The following TBCA variants were observed in gnomAD, a reference collection of about 807,000 sequenced individuals.
The protein encoded by TBCA is tubulin folding cofactor A, also known as tubulin-specific chaperone A.
Under a neutral mutation model 15.8 loss-of-function variants are expected in TBCA, and 6 were observed. That is an observed-to-expected ratio of 0.38 (90% CI 0.21 to 0.75). The LOEUF is 0.75. TBCA is among the 30% of genes least tolerant of loss of function. TBCA has a pLI of 0.46. For synonymous variants in TBCA, 32 were observed against 42.3 expected (o/e 0.76, Z 0.94); for missense variants, 90 against 131.2 (o/e 0.69, Z 1.53).
intron 1 of TBCA, among the ~76,000 whole-genome samples, chr5:77,770,682 G>A (rs1383617283): frequency 2.7e-5 from 4 of 149,060 alleles, no homozygotes; most frequent in African/African-American, 9.9e-5. Context: ...CCCTGTCACA[G>A]ATATCAATAG....
chr5:77,703,960 G>T (rs77451046), intron 2 of TBCA, among the ~76,000 whole-genome samples: 4 of 152,006 alleles, frequency 2.6e-5, no homozygotes, highest in Admixed American at 6.6e-5. Flanking sequence ...TTCAAAGTGC[G>T]GCACTTCCCA....
intron 1 of TBCA, among the ~76,000 whole-genome samples, chr5:77,713,361 T>C (rs976477110): frequency 6.6e-5 from 10 of 152,150 alleles, no homozygotes. Context: ...TGTCATTAAA[T>C]GTTCTTTGAA....
chr5:77,744,091 T>C (rs1049092054), intron 1 of TBCA, among the ~76,000 whole-genome samples: 4 of 152,146 alleles, frequency 2.6e-5, no homozygotes, highest in Non-Finnish European at 5.9e-5. Flanking sequence ...CACATACATT[T>C]TATTGCCTCC....
At chr5:77,769,632 G>A (rs542048842) in intron 1 of TBCA, among the ~76,000 whole-genome samples, 7 of 151,408 alleles carry the variant, frequency 4.6e-5, no homozygotes, top group African/African-American at 1.2e-4. Flanking sequence ...AACAAACTTC[G>A]GAAGATGCCA....
chr5:77,770,101 G>C (rs1394480112), intron 1 of TBCA, among the ~76,000 whole-genome samples: 1 of 152,118 alleles, frequency 6.6e-6, no homozygotes, highest in Admixed American at 6.5e-5. Flanking sequence ...TTTTTTACTT[G>C]CAGAAGAATT....
chr5:77,770,466 A>C (rs2112519724), intron 1 of TBCA, among the ~76,000 whole-genome samples: 1 of 152,314 alleles, frequency 6.6e-6, no homozygotes, highest in Non-Finnish European at 1.5e-5. Context: ...CAATCATTCC[A>C]GTTTGCCTGG....
rs923256299 is a variant in TBCA, at chr5:77,728,418, T to C, written c.54-20071A>G. Among the ~76,000 whole-genome samples the C allele has an allele frequency of 3.3e-5, 5 of 152,094 alleles. No individual in the cohort carries two copies. In the East Asian group the frequency reaches 9.6e-4, roughly 29 times the overall value. On this transcript the variant is annotated intron_variant, in intron 1 of 3. Coordinates refer to ENST00000380377, the MANE Select transcript of TBCA (RefSeq NM_004607.3). ...GTTTCTTGTATTTTAAGCCAGTAGCTGAGGAAAGGAGAAACCAGTATTATA... is the reference window on the plus strand; with the variant it reads ...GTTTCTTGTATTTTAAGCCAGTAGCCGAGGAAAGGAGAAACCAGTATTATA...
intron 1 of TBCA, among the ~76,000 whole-genome samples, chr5:77,744,297 G>A (rs2112483501): frequency 6.6e-6 from 1 of 152,210 alleles, no homozygotes; most frequent in East Asian, 1.9e-4. Context: ...ACTGTGTGTA[G>A]TGAGGGTTCT....
At chr5:77,705,976 C>T (rs1463692919) in intron 2 of TBCA, among the ~76,000 whole-genome samples, 1 of 152,056 alleles carries the variant, frequency 6.6e-6, no homozygotes, top group Non-Finnish European at 1.5e-5. Context: ...GGAAGATGGC[C>T]TCTCCTAAAA....
chr5:77,765,916 T>C (rs970402072), intron 1 of TBCA, among the ~76,000 whole-genome samples: 1 of 149,222 alleles, frequency 6.7e-6, no homozygotes, highest in Admixed American at 6.7e-5. Context: ...CTAAACTACA[T>C]ATCCATTAAA....
At chr5:77,695,903 G>C (rs560429570) in intron 2 of TBCA, among the ~76,000 whole-genome samples, 53 of 152,242 alleles carry the variant, frequency 3.5e-4, no homozygotes, top group African/African-American at 1.2e-3. Context: ...GGTTTTATAG[G>C]GGGTACTTAT....
intron 2 of TBCA, among the ~76,000 whole-genome samples, chr5:77,696,599 G>C (rs903367967): frequency 1.3e-5 from 2 of 152,096 alleles, no homozygotes; most frequent in African/African-American, 4.8e-5. Flanking sequence ...AAAAGGATGG[G>C]AAAATATATA....
At chr5:77,745,229 G>A (rs370042151) in intron 1 of TBCA, among the ~76,000 whole-genome samples, 78 of 152,234 alleles carry the variant, frequency 5.1e-4, no homozygotes, top group African/African-American at 1.7e-3. Context: ...GAAAACATTA[G>A]TATTCAATAA....
chr5:77,743,686 G>A (rs1018888848), intron 1 of TBCA, among the ~76,000 whole-genome samples: 1 of 152,150 alleles, frequency 6.6e-6, no homozygotes, highest in Non-Finnish European at 1.5e-5. Context: ...ATGTAGCAAT[G>A]GGTTTCACAA....
At chr5:77,733,630 G>A (rs1746826626) in intron 1 of TBCA, among the ~76,000 whole-genome samples, 1 of 152,226 alleles carries the variant, frequency 6.6e-6, no homozygotes, top group African/African-American at 2.4e-5. Context: ...TAAGCTAGCA[G>A]AGATTGGTTC....
chr5:77,737,257 C>A (rs532950165), intron 1 of TBCA, among the ~76,000 whole-genome samples: 3 of 152,196 alleles, frequency 2.0e-5, no homozygotes, highest in Admixed American at 1.3e-4. Flanking sequence ...TGAACCAAAG[C>A]TTTTGTTTAA....
intron 1 of TBCA, among the ~76,000 whole-genome samples, chr5:77,725,256 A>C (rs938536107): frequency 6.6e-6 from 1 of 152,084 alleles, no homozygotes; most frequent in Non-Finnish European, 1.5e-5. Context: ...TCATTCTACT[A>C]ATCTCCTGTC....
At chr5:77,705,359 G>A (rs80247074) in intron 2 of TBCA, among the ~76,000 whole-genome samples, 7,398 of 152,186 alleles carry the variant, frequency 0.049, 489 homozygotes, top group African/African-American at 0.15. Context: ...TGAAGTCCAA[G>A]AAGGACCTGG....
At chr5:77,726,654 ATTC>A (rs1265055403) in intron 1 of TBCA, among the ~76,000 whole-genome samples, 3 of 151,840 alleles carry the variant, frequency 2.0e-5, no homozygotes, top group Non-Finnish European at 4.4e-5. Context: ...TAGGGAAAGA[ATTC>A]TTCTTCACTT....
Sources: allele counts gnomAD v4.1 joint callset (sites outside exome capture counted in the v4.1 genomes callset), GRCh38; gene constraint gnomAD v4.1.1; transcripts MANE v1.5; gene names NCBI Gene and HGNC (gene_info 2026-07-23, HGNC 2026-07-21).